The following ARHGAP39 variants were observed in gnomAD, a reference collection of about 807,000 sequenced individuals.
ARHGAP39 encodes Rho GTPase activating protein 39, also known as rho GTPase-activating protein 39.
A neutral mutation model predicts 106.9 loss-of-function variants in ARHGAP39; 44 were observed. The ratio of observed to expected loss-of-function variants is 0.41; its 90% CI spans 0.32 to 0.53. The LOEUF (loss-of-function observed/expected upper bound fraction) is 0.53, where lower values mean the gene tolerates loss of function less well. Among genes scored for constraint, ARHGAP39 ranks in the 20% least tolerant of loss-of-function variants. The pLI is 0.21. For synonymous variants in ARHGAP39, 768 were observed against 693.2 expected (o/e 1.11, Z -1.69); for missense variants, 1,496 against 1,577.3 (o/e 0.95, Z 0.87).
In ARHGAP39 at chr8:144,679,037, A is replaced by G. The variant is rs1423428753; in HGVS notation, c.-82+6649T>C. On this transcript the variant is annotated intron_variant, in intron 1 of 11. Coordinates refer to ENST00000377307, the MANE Select transcript of ARHGAP39 (RefSeq NM_025251.3). This position sits in a 1 kb window ranked among gnomAD's most constrained non-coding sequence, Gnocchi z 4.7. ...CTGAGAGGGGGACCCAGCACGCCAAAATTCTAGGTGGTGACCAAGCAGGTG... is the reference window on the plus strand; with the variant it reads ...CTGAGAGGGGGACCCAGCACGCCAAGATTCTAGGTGGTGACCAAGCAGGTG... Among the ~76,000 whole-genome samples the G allele has an allele frequency of 1.3e-5, 2 of 152,060 alleles. No individual in the cohort carries two copies. The highest frequency in any genetic ancestry group is 2.9e-5 in the Non-Finnish European group (2 of 68,008).
intron 1 of ARHGAP39, among the ~76,000 whole-genome samples, chr8:144,672,127 A>G (rs1822116548): frequency 6.6e-6 from 1 of 152,226 alleles, no homozygotes; most frequent in Non-Finnish European, 1.5e-5. Flanking sequence ...TGAATTCTGA[A>G]TAGAAAATAA....
Position 144,548,618 on chromosome 8 carries a change from G to A in ARHGAP39, c.597-129C>T. 7.7e-7 allele frequency: 1 copy of A among 1,297,526 alleles called. No individual in the cohort carries two copies. Among genetic ancestry groups the A allele is most frequent in the Non-Finnish European group, 1.0e-6 (1 of 973,164 alleles). The allele number at this position is 1,297,526 out of a possible 1,614,324, so 80.4% of individuals were successfully genotyped here. ...TGTACACCTTCCTCGCTGGGGCCCT[G>A]TGGCCTGGCGCCCCTCACACCTGCC... On this transcript the variant is annotated intron_variant, in intron 4 of 11. Transcript: ENST00000377307. This position sits in a 1 kb window ranked among gnomAD's most constrained non-coding sequence, Gnocchi z 7.4.
chr8:144,624,649 T>G (rs6989047), intron 1 of ARHGAP39, among the ~76,000 whole-genome samples: 618 of 6,492 alleles, frequency 0.095, 112 homozygotes, highest in African/African-American at 0.11. Context: ...CACTGCGGCA[T>G]CCCCTGTCCC....
At chr8:144,598,737 A>G (rs781616617) in intron 2 of ARHGAP39, among the ~76,000 whole-genome samples, 24 of 152,234 alleles carry the variant, frequency 1.6e-4, no homozygotes, top group Admixed American at 3.3e-4. Flanking sequence ...ACCTGGATGG[A>G]GGTGACTAAA....
intron 1 of ARHGAP39, among the ~76,000 whole-genome samples, chr8:144,648,397 A>T (rs1033581674): frequency 7.2e-5 from 11 of 152,220 alleles, no homozygotes; most frequent in Admixed American, 2.0e-4. Context: ...TAACTGGAGC[A>T]ATCTCCCACA....
chr8:144,600,207 G>C (rs1021257843), intron 2 of ARHGAP39, among the ~76,000 whole-genome samples: 3 of 149,858 alleles, frequency 2.0e-5, no homozygotes, highest in African/African-American at 7.4e-5. Flanking sequence ...GCGTGTGCGT[G>C]TGTGTGGGGG....
At chr8:144,599,097 C>T (rs1022416186) in intron 2 of ARHGAP39, among the ~76,000 whole-genome samples, 3 of 152,188 alleles carry the variant, frequency 2.0e-5, no homozygotes, top group South Asian at 2.1e-4. Context: ...CCCGATGGCC[C>T]GGGGTTGGTG....
rs938379371 is a variant in ARHGAP39, at chr8:144,647,516, C to T, written c.-82+38170G>A. ...CGGCAGCCTGCAGCCGCCCACCCTG[C>T]TGCCCACACTGCCCTGTGCACTGCT... On this transcript the variant is annotated intron_variant, in intron 1 of 11. Coordinates refer to ENST00000377307, the MANE Select transcript of ARHGAP39 (RefSeq NM_025251.3). This position sits in a 1 kb window ranked among gnomAD's most constrained non-coding sequence, Gnocchi z 4.8. Among the ~76,000 whole-genome samples, 2 of 152,252 alleles carry T rather than the reference C, an allele frequency of 1.3e-5. No homozygotes were observed. The highest frequency in any genetic ancestry group is 2.9e-5 in the Non-Finnish European group (2 of 68,042).
intron 1 of ARHGAP39, among the ~76,000 whole-genome samples, chr8:144,674,246 G>A (rs1563733169): frequency 6.6e-6 from 1 of 152,204 alleles, no homozygotes; most frequent in Non-Finnish European, 1.5e-5. Context: ...TGAGGTACGT[G>A]AACAACTGGA....
intron 1 of ARHGAP39, among the ~76,000 whole-genome samples, chr8:144,613,326 C>G (rs1371513781): frequency 3.3e-5 from 5 of 152,224 alleles, no homozygotes; most frequent in African/African-American, 1.2e-4. Flanking sequence ...CTGTATAGAT[C>G]CAGACTTCCA....
chr8:144,549,922 G>A (rs900227574), intron 4 of ARHGAP39, among the ~76,000 whole-genome samples: 5 of 152,134 alleles, frequency 3.3e-5, no homozygotes, highest in Admixed American at 2.6e-4. Flanking sequence ...GCTTTTAAAC[G>A]CATTGTCTTA....
intron 1 of ARHGAP39, among the ~76,000 whole-genome samples, chr8:144,627,814 G>A (rs1820963908): frequency 6.6e-6 from 1 of 152,220 alleles, no homozygotes; most frequent in South Asian, 2.1e-4. Context: ...CCATGAGGCA[G>A]GTTGGCTCAT....
intron 1 of ARHGAP39, among the ~76,000 whole-genome samples, chr8:144,621,242 CA>C (rs1409719609): frequency 1.2e-4 from 18 of 152,402 alleles, no homozygotes; most frequent in African/African-American, 4.1e-4. Flanking sequence ...GCCAGGCCAG[CA>C]CAAGCTGCAT....
chr8:144,548,055 G>A lies in ARHGAP39; in HGVS notation c.1031C>T (p.Ser344Phe), dbSNP rs750662234. The change falls in exon 5 of 12, where the codon TCT becomes TTT. Residue 344 changes from serine to phenylalanine, a missense_variant. Around this residue, in one of 4 missense-constraint regions of ARHGAP39, gnomAD observed 905 missense variants for 816.4 expected, o/e 1.11. Coordinates refer to ENST00000377307, the MANE Select transcript of ARHGAP39 (RefSeq NM_025251.3). The surrounding 1 kb of genome is among the most constrained non-coding windows in gnomAD (Gnocchi z 7.4). The part of the protein sequence containing the change: ...FEAGGGYQAG[S>F]PQRSPGRKPR... ...CTTACGGCCCGGCGACCGCTGGGGAGAGCCGGCCTGGTAGCCCCCGCCAGC... is the reference window on the plus strand; with the variant it reads ...CTTACGGCCCGGCGACCGCTGGGGAAAGCCGGCCTGGTAGCCCCCGCCAGC... 7 of 1,598,400 alleles carry A rather than the reference G, an allele frequency of 4.4e-6. No individual in the cohort carries two copies. Among genetic ancestry groups the A allele is most frequent in the Non-Finnish European group, 6.0e-6 (7 of 1,173,356 alleles).
At chr8:144,603,687 C>CAAA (rs922284218) in intron 2 of ARHGAP39, among the ~76,000 whole-genome samples, 2,868 of 77,618 alleles carry the variant, frequency 0.037, 115 homozygotes, top group African/African-American at 0.12. Context: ...GAGACTCCAT[C>CAAA]AAAAAAAAAA....
intron 3 of ARHGAP39, among the ~76,000 whole-genome samples, chr8:144,573,374 C>T (rs1040726319): frequency 2.0e-5 from 3 of 148,840 alleles, no homozygotes; most frequent in Admixed American, 1.4e-4. Context: ...CCAAACACCA[C>T]ATGTTCTCAT....
At chr8:144,632,823 A>T (rs986016170) in intron 1 of ARHGAP39, among the ~76,000 whole-genome samples, 1 of 152,380 alleles carries the variant, frequency 6.6e-6, no homozygotes, top group African/African-American at 2.4e-5. Flanking sequence ...GCTGTCAAAG[A>T]GAAAATACTC....
At position 144,679,235 on chromosome 8, in the gene ARHGAP39, G is replaced by A. The variant is rs190594288; in HGVS notation, c.-82+6451C>T. 4.4e-3 allele frequency among the ~76,000 whole-genome samples: 668 copies of A among 152,278 alleles called. 3 individuals carry two copies. Among genetic ancestry groups the A allele is most frequent in the African/African-American group, 0.015 (630 of 41,562 alleles). On this transcript the variant is annotated intron_variant, in intron 1 of 11. Coordinates refer to ENST00000377307, the MANE Select transcript of ARHGAP39 (RefSeq NM_025251.3). The surrounding 1 kb of genome is among the most constrained non-coding windows in gnomAD (Gnocchi z 4.7). ...GTGAGATGGCCCAGACAGCAGGTACGGGCTCCTCAGCTCTGCTCAGCACAG... is the reference window on the plus strand; with the variant it reads ...GTGAGATGGCCCAGACAGCAGGTACAGGCTCCTCAGCTCTGCTCAGCACAG...
At chr8:144,597,201 G>A (rs757810694) in intron 2 of ARHGAP39, among the ~76,000 whole-genome samples, 6 of 152,218 alleles carry the variant, frequency 3.9e-5, no homozygotes, top group Non-Finnish European at 7.3e-5. Context: ...ACAGCAAGGT[G>A]AAGCCAGCAG....
Sources: gnomAD v4.1 joint callset for allele counts (sites outside exome capture counted in the v4.1 genomes callset) on GRCh38, gnomAD v4.1.1 for gene constraint, gnomAD v4.1.1 regional missense constraint, Gnocchi (gnomAD v3.1) non-coding constraint, MANE v1.5 for transcripts, NCBI Gene and HGNC (gene_info 2026-07-23, HGNC 2026-07-21) for gene names.